The following PDE4B variants were observed in gnomAD, a reference collection of about 807,000 sequenced individuals.
The protein encoded by PDE4B is 3',5'-cyclic-AMP phosphodiesterase 4B.
PDE4B carries 20 observed loss-of-function variants against 82.2 expected under a neutral mutation model. The ratio of observed to expected loss-of-function variants is 0.24; its 90% CI spans 0.17 to 0.35. The LOEUF (loss-of-function observed/expected upper bound fraction) is 0.35. Among genes scored for constraint, PDE4B ranks in the 10% least tolerant of loss-of-function variants. The pLI, the probability that PDE4B is intolerant of heterozygous loss-of-function variation, is 1.00. For synonymous variants in PDE4B, 320 were observed against 318.9 expected (o/e 1.00, Z -0.04); for missense variants, 655 against 907.2 (o/e 0.72, Z 3.57).
intron 7 of PDE4B, chr1:66,266,707 T>G (rs763172994): frequency 2.5e-5 from 13 of 527,422 alleles, no homozygotes; most frequent in Non-Finnish European, 5.1e-5. Context: ...TGTTGAGAGC[T>G]GCAGAGAGGA....
chr1:66,059,294 C>G (rs1238100171), intron 3 of PDE4B, among the ~76,000 whole-genome samples: 1 of 152,202 alleles, frequency 6.6e-6, no homozygotes, highest in African/African-American at 2.4e-5. Context: ...TCCAAGCCTT[C>G]CCACATTTTC....
intron 1 of PDE4B, among the ~76,000 whole-genome samples, chr1:65,864,179 G>C (rs988478381): frequency 1.3e-4 from 19 of 151,484 alleles, no homozygotes; most frequent in African/African-American, 3.6e-4. Context: ...TATGCTTCAC[G>C]AAGTTCTTGT....
chr1:66,273,334 T>C (rs1201004591), intron 7 of PDE4B, among the ~76,000 whole-genome samples: 1 of 152,256 alleles, frequency 6.6e-6, no homozygotes, highest in Non-Finnish European at 1.5e-5. Context: ...CTCCAAAATA[T>C]CATTTACATA....
intron 3 of PDE4B, among the ~76,000 whole-genome samples, chr1:66,081,830 C>G (rs61796646): frequency 0.57 from 63,229 of 111,142 alleles, 14,352 homozygotes; most frequent in Non-Finnish European, 0.63. Context: ...CTCTCTCTCT[C>G]TCTGTGTGTG....
intron 1 of PDE4B, among the ~76,000 whole-genome samples, chr1:65,807,493 T>C (rs1158866049): frequency 6.6e-6 from 1 of 152,226 alleles, no homozygotes; most frequent in African/African-American, 2.4e-5. Context: ...ATGTTTGGAA[T>C]TGCTGAGTTA....
At chr1:65,958,145 G>C (rs914207581) in intron 3 of PDE4B, among the ~76,000 whole-genome samples, 1 of 151,840 alleles carries the variant, frequency 6.6e-6, no homozygotes, top group Non-Finnish European at 1.5e-5. Context: ...ATTAGGTTAT[G>C]GGCGCTTTTT....
intron 3 of PDE4B, among the ~76,000 whole-genome samples, chr1:66,104,274 T>G (rs1645291038): frequency 6.6e-6 from 1 of 151,998 alleles, no homozygotes; most frequent in South Asian, 2.1e-4. Context: ...GAACTCAACC[T>G]TTTTTATGGC....
At chr1:66,326,276 G>C (rs1455907376) in intron 7 of PDE4B, among the ~76,000 whole-genome samples, 1 of 152,146 alleles carries the variant, frequency 6.6e-6, no homozygotes, top group East Asian at 1.9e-4. Context: ...CACAAGTTTA[G>C]AAATCAGTGA....
intron 3 of PDE4B, among the ~76,000 whole-genome samples, chr1:66,100,354 G>A (rs1645198636): frequency 6.6e-6 from 1 of 152,036 alleles, no homozygotes; most frequent in Non-Finnish European, 1.5e-5. Flanking sequence ...TGTCCAGCCT[G>A]TGTTCAAATT....
At chr1:65,881,588 A>T (rs529468978) in intron 1 of PDE4B, among the ~76,000 whole-genome samples, 30 of 152,164 alleles carry the variant, frequency 2.0e-4, no homozygotes, top group Non-Finnish European at 4.1e-4. Context: ...GTGCTGGCTG[A>T]TTGTTATAAA....
intron 3 of PDE4B, among the ~76,000 whole-genome samples, chr1:66,034,047 C>G (rs1653942490): frequency 6.6e-6 from 1 of 152,072 alleles, no homozygotes; most frequent in Admixed American, 6.5e-5. Context: ...TTTGACTTTC[C>G]ATTTTATGTC....
At chr1:66,355,238 C>G in intron 8 of PDE4B, 1 of 364,642 alleles carries the variant, frequency 2.7e-6, no homozygotes, top group South Asian at 9.7e-5. Flanking sequence ...AAAGTAGGTA[C>G]AGTTTCAAGT....
At position 66,114,632 on chromosome 1, in the gene PDE4B, A is replaced by ATT. The variant is rs139293880; in HGVS notation, c.282-132808_282-132807dup. ...ATCTCCTTGCATACAGTAGCCCACAATTTTTTTTTTTTTTTTTTTTTGAGA... is the reference window on the plus strand; with the variant it reads ...ATCTCCTTGCATACAGTAGCCCACAATTTTTTTTTTTTTTTTTTTTTTTGAGA... On this transcript the variant is annotated intron_variant, in intron 3 of 16. Coordinates refer to ENST00000341517, the MANE Select transcript of PDE4B (RefSeq NM_002600.4). Among the ~76,000 whole-genome samples, 473 of 132,346 alleles carry ATT rather than the reference A, an allele frequency of 3.6e-3. 5 individuals carry two copies. The highest frequency in any genetic ancestry group is 7.1e-3 in the East Asian group (32 of 4,482). The allele number at this position is 132,346 out of a possible 152,430, so 86.8% of individuals were successfully genotyped here.
At chr1:66,264,492 G>A (rs1654896510) in intron 6 of PDE4B, among the ~76,000 whole-genome samples, 1 of 152,180 alleles carries the variant, frequency 6.6e-6, no homozygotes, top group Non-Finnish European at 1.5e-5. Flanking sequence ...AATACTCCCA[G>A]TGGAAGCTAA....
At chr1:66,107,524 A>C (rs577126159) in intron 3 of PDE4B, among the ~76,000 whole-genome samples, 169 of 152,026 alleles carry the variant, frequency 1.1e-3, no homozygotes, top group African/African-American at 3.3e-3. Flanking sequence ...AACAAACAAA[A>C]AAAAAAACCT....
At chr1:65,929,517 T>A (rs968505585) in intron 3 of PDE4B, among the ~76,000 whole-genome samples, 1 of 152,184 alleles carries the variant, frequency 6.6e-6, no homozygotes. Flanking sequence ...TAAGAGTTTG[T>A]GCCTGTTTTT....
chr1:65,810,010 A>G (rs1181929101), intron 1 of PDE4B, among the ~76,000 whole-genome samples: 1 of 152,268 alleles, frequency 6.6e-6, no homozygotes, highest in African/African-American at 2.4e-5. Context: ...AATTGCAGCC[A>G]AGGGCTGCAC....
At chr1:66,364,126 A>C (rs1045503863) in intron 12 of PDE4B, among the ~76,000 whole-genome samples, 1 of 152,194 alleles carries the variant, frequency 6.6e-6, no homozygotes, top group African/African-American at 2.4e-5. Flanking sequence ...ATATGCAATT[A>C]CTTATCTGAA....
intron 3 of PDE4B, among the ~76,000 whole-genome samples, chr1:66,042,929 T>C (rs1654465672): frequency 6.6e-6 from 1 of 151,898 alleles, no homozygotes; most frequent in African/African-American, 2.4e-5. Context: ...ACTTCAGCAA[T>C]GGTGTAGTTC....
Sources: gnomAD v4.1 joint callset for allele counts (sites outside exome capture counted in the v4.1 genomes callset) on GRCh38, gnomAD v4.1.1 for gene constraint, MANE v1.5 for transcripts, NCBI Gene and HGNC (gene_info 2026-07-23, HGNC 2026-07-21) for gene names.